The following IP6K2 variants were observed in gnomAD, a reference collection of about 807,000 sequenced individuals.
IP6K2 encodes inositol hexakisphosphate kinase 2, also known as ATP:1D-myo-inositol-hexakisphosphate phosphotransferase.
IP6K2 carries 9 observed loss-of-function variants against 43.3 expected under a neutral mutation model. The ratio of observed to expected loss-of-function variants is 0.21; its 90% CI spans 0.13 to 0.36. IP6K2 has a LOEUF of 0.36. Among genes scored for constraint, IP6K2 ranks in the 10% least tolerant of loss-of-function variants. The pLI is 1.00. For synonymous variants in IP6K2, 209 were observed against 202.4 expected (o/e 1.03, Z -0.28); for missense variants, 332 against 538.4 (o/e 0.62, Z 3.79).
At chr3:48,701,086 G>A (rs1575667340) in intron 1 of IP6K2, among the ~76,000 whole-genome samples, 1 of 152,226 alleles carries the variant, frequency 6.6e-6, no homozygotes, top group African/African-American at 2.4e-5. Flanking sequence ...GAATGACAAC[G>A]TGGCTGGGCG....
intron 1 of IP6K2, among the ~76,000 whole-genome samples, chr3:48,709,111 A>G (rs1245370896): frequency 6.6e-6 from 1 of 152,200 alleles, no homozygotes; most frequent in Non-Finnish European, 1.5e-5. Context: ...AGACAAGATT[A>G]TATGTTTCCT....
chr3:48,716,343 T>C (rs2081190397), intron 1 of IP6K2: 1 of 152,202 alleles, frequency 6.6e-6, no homozygotes, highest in African/African-American at 2.4e-5. Context: ...GCTACGGAAA[T>C]GTTTAATTCC....
intron 2 of IP6K2, chr3:48,694,693 C>A: frequency 6.6e-7 from 1 of 1,505,390 alleles, no homozygotes; most frequent in Non-Finnish European, 8.8e-7. Context: ...CCCCGGCCTA[C>A]CTAATTACCC....
At chr3:48,694,330 A>G in intron 2 of IP6K2, 1 of 1,549,224 alleles carries the variant, frequency 6.5e-7, no homozygotes, top group Admixed American at 2.0e-5. Context: ...AGTACAGAGA[A>G]AGGCACCCAG....
At chr3:48,704,376 T>C (rs916042965) in intron 1 of IP6K2, among the ~76,000 whole-genome samples, 8 of 152,158 alleles carry the variant, frequency 5.3e-5, no homozygotes, top group African/African-American at 1.9e-4. Flanking sequence ...GAAACAAAAA[T>C]ATTTTTTTCA....
At chr3:48,711,698 G>T (rs977111120) in intron 1 of IP6K2, among the ~76,000 whole-genome samples, 1 of 152,192 alleles carries the variant, frequency 6.6e-6, no homozygotes, top group African/African-American at 2.4e-5. Context: ...AATTTAGGAA[G>T]ATCATAATCT....
chr3:48,688,725 C>A lies in IP6K2; in HGVS notation c.829G>T (p.Gly277Ter). 6.2e-7 allele frequency: 1 copy of A among 1,614,044 alleles called. No homozygotes were observed. Among genetic ancestry groups the A allele is most frequent in the Non-Finnish European group, 8.5e-7 (1 of 1,179,950 alleles). Residue 277 changes from glycine to a stop codon, truncating the protein, a stop_gained, in exon 6 of 6, where the codon GGA (glycine) becomes TGA (stop). Transcript: ENST00000328631. LOFTEE classifies it high-confidence loss of function. The surrounding 1 kb of genome is among the most constrained non-coding windows in gnomAD (Gnocchi z 5.1). ...GQLMFMNKYHGRKLSVQGFKE... is the reference protein window; with the variant it reads ...GQLMFMNKYH ...AAGCCCTGCACCGATAGCTTCCGTC[C>A]ATGGTACTTGTTCATGAACATGAGC...
chr3:48,695,493 C>T lies in IP6K2; in HGVS notation c.-130-72G>A. The T allele has an allele frequency of 7.7e-7, 1 of 1,299,432 alleles. No individual in the cohort carries two copies. The highest frequency in any genetic ancestry group is 9.8e-7 in the Non-Finnish European group (1 of 1,021,756). The allele number at this position is 1,299,432 out of a possible 1,614,324, so 80.5% of individuals were successfully genotyped here. ...AAGTGCCTTAGAGCTGCTCACCCTG[C>T]TCCTTCAGCAGAAAGACAAAGACAA... On this transcript the variant is annotated intron_variant, in intron 1 of 5. Transcript: ENST00000328631. This position sits in a 1 kb window ranked among gnomAD's most constrained non-coding sequence, Gnocchi z 4.6.
chr3:48,701,530 G>A (rs1224128876), intron 1 of IP6K2, among the ~76,000 whole-genome samples: 3 of 129,400 alleles, frequency 2.3e-5, no homozygotes, highest in Non-Finnish European at 4.6e-5. Context: ...TCGTGCCAGT[G>A]CACTCCAGCC....
Position 48,698,239 on chromosome 3 carries a change from A to G in IP6K2, c.-130-2818T>C, listed in dbSNP as rs142889586. On this transcript the variant is annotated intron_variant, in intron 1 of 5. Transcript: ENST00000328631. ...TGAAAAGACCTTTTGAATAAGAGTA[A>G]TACCAAAAGAAGCTACTGATTCATG... 7.2e-5 allele frequency among the ~76,000 whole-genome samples: 11 copies of G among 152,348 alleles called. No individual in the cohort carries two copies. In the East Asian group the frequency reaches 2.1e-3, roughly 29 times the overall value.
At chr3:48,694,028 T>C (rs1184166940) in intron 2 of IP6K2, 1 of 1,417,692 alleles carries the variant, frequency 7.1e-7, no homozygotes, top group African/African-American at 1.5e-5. Context: ...CAGGCCTCTC[T>C]GCCCCAGCAT....
intron 1 of IP6K2, among the ~76,000 whole-genome samples, chr3:48,709,452 G>A (rs958773321): frequency 6.6e-6 from 1 of 152,198 alleles, no homozygotes; most frequent in African/African-American, 2.4e-5. Context: ...CTGGCAGCTT[G>A]TATCACCCAA....
intron 1 of IP6K2, among the ~76,000 whole-genome samples, chr3:48,708,807 C>T (rs1366222814): frequency 2.0e-5 from 3 of 152,258 alleles, no homozygotes; most frequent in Middle Eastern, 3.4e-3. Context: ...TGTGGTGGCT[C>T]ACACACGTGT....
In IP6K2 at chr3:48,717,138, C is replaced by T. The variant is rs1210100526; in HGVS notation, c.-131+19G>A. Reference sequence around the variant, plus strand: ...CTCAAAGCTCCTCGGGCACTAGGGCCATAGGACGCGAGCTTTACCTGCCGC... The same window carrying T: ...CTCAAAGCTCCTCGGGCACTAGGGCTATAGGACGCGAGCTTTACCTGCCGC... On this transcript the variant is annotated intron_variant, in intron 1 of 5. Transcript: ENST00000328631. 1 of 154,848 alleles carries T rather than the reference C, an allele frequency of 6.5e-6. No homozygotes were observed. Among genetic ancestry groups the T allele is most frequent in the Non-Finnish European group, 1.5e-5 (1 of 68,242 alleles). 9.6% of individuals were successfully genotyped at this position (154,848 alleles called of 1,614,324 possible). A position where few individuals can be genotyped will look rare whatever the true frequency, so the allele number is the denominator to read the frequency against.
At chr3:48,693,201 A>C in intron 2 of IP6K2, 22 bp from the exon 3 acceptor site, 1 of 1,584,182 alleles carries the variant, frequency 6.3e-7, no homozygotes, top group Non-Finnish European at 8.7e-7. Flanking sequence ...TGAGGAGCAG[A>C]AAGAACTTTT....
intron 1 of IP6K2, chr3:48,715,490 G>A (rs1418592058): frequency 6.5e-7 from 1 of 1,532,182 alleles, no homozygotes; most frequent in Non-Finnish European, 8.7e-7. Context: ...GACAGATACA[G>A]GGCTAGCATA....
chr3:48,696,633 A>G (rs1014810767), intron 1 of IP6K2, among the ~76,000 whole-genome samples: 2 of 152,180 alleles, frequency 1.3e-5, no homozygotes, highest in African/African-American at 4.8e-5. Context: ...TCTAATTTAC[A>G]AATTAGACAG....
At chr3:48,689,811 C>A in intron 4 of IP6K2, 98 bp from the exon 5 acceptor site, 1 of 1,022,898 alleles carries the variant, frequency 9.8e-7, no homozygotes, top group South Asian at 1.5e-5. Context: ...CCCAGAGAAG[C>A]CTGAACCCAC....
chr3:48,702,957 T>C (rs914426913), intron 1 of IP6K2, among the ~76,000 whole-genome samples: 1 of 152,220 alleles, frequency 6.6e-6, no homozygotes, highest in Non-Finnish European at 1.5e-5. Flanking sequence ...ACTGCAATCA[T>C]CATCCAAATC....
Sources: gnomAD v4.1 joint callset for allele counts (sites outside exome capture counted in the v4.1 genomes callset) on GRCh38, gnomAD v4.1.1 for gene constraint, Gnocchi (gnomAD v3.1) non-coding constraint, MANE v1.5 for transcripts, NCBI Gene and HGNC (gene_info 2026-07-23, HGNC 2026-07-21) for gene names.